MYO10: variants seen among roughly 807,000 people sequenced by gnomAD.
MYO10 encodes the protein myosin X, also known as unconventional myosin-X.
MYO10 carries 133 observed loss-of-function variants against 257.3 expected under a neutral mutation model. The observed-to-expected ratio is 0.52, with a 90% CI of 0.45 to 0.60. The LOEUF (loss-of-function observed/expected upper bound fraction) is 0.60, where lower values mean the gene tolerates loss of function less well. Among genes scored for constraint, MYO10 ranks in the 20% least tolerant of loss-of-function variants. The pLI is 0.00. For synonymous variants in MYO10, 1,104 were observed against 1,028.6 expected, an observed-to-expected ratio of 1.07 and a Z score of -1.40; for missense variants, 2,399 against 2,635.7, an observed-to-expected ratio of 0.91 and a Z score of 1.97.
At chr5:16,884,712 T>C (rs2126768141) in intron 1 of MYO10, among the ~76,000 whole-genome samples, 1 of 124,834 alleles carries the variant, frequency 8.0e-6, no homozygotes, top group Admixed American at 9.1e-5. Flanking sequence ...ACTTACCAGA[T>C]GCTTTTTTTT....
intron 1 of MYO10, among the ~76,000 whole-genome samples, chr5:16,891,315 AGAGAAAAGGAAGG>A (rs1322998928): frequency 2.2e-5 from 3 of 137,818 alleles, no homozygotes; most frequent in Non-Finnish European, 3.1e-5. Context: ...GAAAAGGAGA[AGAGAAAAGGAAGG>A]AAGGAAGGAA....
intron 19 of MYO10, among the ~76,000 whole-genome samples, chr5:16,737,609 C>T (rs1243499683): frequency 2.0e-5 from 3 of 152,196 alleles, no homozygotes; most frequent in Non-Finnish European, 2.9e-5. Flanking sequence ...CATGTAGATG[C>T]CGTTTTTATT....
chr5:16,790,769 T>C (rs1320872672), intron 4 of MYO10, among the ~76,000 whole-genome samples: 1 of 152,094 alleles, frequency 6.6e-6, no homozygotes, highest in African/African-American at 2.4e-5. Flanking sequence ...TAATACACCA[T>C]AATAAACTAA....
chr5:16,846,711 C>T (rs1198004260), intron 2 of MYO10, among the ~76,000 whole-genome samples: 1 of 152,246 alleles, frequency 6.6e-6, no homozygotes, highest in Non-Finnish European at 1.5e-5. Flanking sequence ...TAAGTATTTA[C>T]AACATCGGAC....
Position 16,912,842 on chromosome 5 carries a change from A to G in MYO10, c.21+22946T>C, listed in dbSNP as rs986177388. 8.1e-4 allele frequency among the ~76,000 whole-genome samples: 123 copies of G among 151,200 alleles called. 1 individual carries two copies. The highest frequency in any genetic ancestry group is 3.4e-3 in the Middle Eastern group (1 of 292). ...CACACACACACACACACACACACAC[A>G]CACACACCATGGTACCTCCAAGATT... is the stretch of plus-strand genomic sequence containing the variant. On this transcript the variant is annotated intron_variant, in intron 1 of 40. Transcript: ENST00000513610.
intron 2 of MYO10, among the ~76,000 whole-genome samples, chr5:16,852,479 C>CT (rs921595574): frequency 5.9e-5 from 9 of 151,444 alleles, no homozygotes; most frequent in Non-Finnish European, 1.0e-4. Context: ...ATTAACTGAC[C>CT]TTTTTTTTGC....
At chr5:16,842,046 T>C (rs1461018068) in intron 2 of MYO10, among the ~76,000 whole-genome samples, 1 of 152,022 alleles carries the variant, frequency 6.6e-6, no homozygotes, top group Non-Finnish European at 1.5e-5. Flanking sequence ...TTCCACATAA[T>C]AGGCAGAAAA....
intron 2 of MYO10, among the ~76,000 whole-genome samples, chr5:16,823,523 G>C (rs1742903103): frequency 8.4e-6 from 1 of 119,654 alleles, no homozygotes; most frequent in Non-Finnish European, 1.6e-5. Context: ...CCAGGCTAGA[G>C]TGCAGTGGCA....
At chr5:16,858,196 A>T (rs2126742812) in intron 2 of MYO10, among the ~76,000 whole-genome samples, 1 of 152,328 alleles carries the variant, frequency 6.6e-6, no homozygotes, top group Non-Finnish European at 1.5e-5. Flanking sequence ...TTTGAATTTC[A>T]CATGATTTTC....
intron 11 of MYO10, among the ~76,000 whole-genome samples, chr5:16,764,684 T>G (rs1457285134): frequency 2.6e-5 from 4 of 151,928 alleles, no homozygotes; most frequent in African/African-American, 7.3e-5. Context: ...TGTTACCAGG[T>G]TTTTTTTGTT....
At chr5:16,927,195 G>A (rs933489030) in intron 1 of MYO10, among the ~76,000 whole-genome samples, 1 of 151,998 alleles carries the variant, frequency 6.6e-6, no homozygotes, top group Non-Finnish European at 1.5e-5. Context: ...CATTACAGGT[G>A]TGTTTTATCA....
At chr5:16,792,365 C>T (rs190305652) in intron 4 of MYO10, among the ~76,000 whole-genome samples, 73 of 152,288 alleles carry the variant, frequency 4.8e-4, no homozygotes, top group African/African-American at 1.7e-3. Flanking sequence ...AAAGGGCTGT[C>T]AGGGGTTTCA....
chr5:16,877,630 G>A lies in MYO10; in HGVS notation c.99C>T (p.Val33=), dbSNP rs185323430. Residue 33 remains valine (V), a synonymous_variant, in exon 2 of 41, where the codon GTC becomes GTT. Transcript: ENST00000513610. The part of the protein sequence containing the change: ...TVNSCAEGIV[V]FRTDYGQVFT... ...TCACCTGACCATAGTCTGTCCGGAA[G>A]ACGACGATGCCTTCTGCACAGGAAT... 8.7e-4 allele frequency: 1,409 copies of A among 1,613,676 alleles called. No individual in the cohort carries two copies. Among genetic ancestry groups the A allele is most frequent in the Non-Finnish European group, 1.1e-3 (1,353 of 1,179,660 alleles).
chr5:16,908,168 T>G (rs979138206), intron 1 of MYO10, among the ~76,000 whole-genome samples: 1 of 151,308 alleles, frequency 6.6e-6, no homozygotes, highest in African/African-American at 2.4e-5. Context: ...GAGACAAAGG[T>G]TGCAGTGAGC....
chr5:16,684,217 T>C (rs1737138844), intron 29 of MYO10, among the ~76,000 whole-genome samples: 1 of 152,204 alleles, frequency 6.6e-6, no homozygotes, highest in South Asian at 2.1e-4. Flanking sequence ...ATATTTTAAC[T>C]AAGTTTTCTA....
intron 2 of MYO10, among the ~76,000 whole-genome samples, chr5:16,866,644 A>C (rs1381395345): frequency 2.0e-5 from 3 of 152,124 alleles, no homozygotes; most frequent in African/African-American, 7.2e-5. Context: ...TGAGAGAAAA[A>C]GGGGTAAGAT....
intron 18 of MYO10, among the ~76,000 whole-genome samples, chr5:16,755,720 C>CTTTTTT (rs544255942): frequency 7.6e-6 from 1 of 130,796 alleles, no homozygotes; most frequent in Non-Finnish European, 1.6e-5. Flanking sequence ...TCTTTTCCAA[C>CTTTTTT]TTTTTTTTTT....
chr5:16,781,021 A>C (rs543567125), intron 6 of MYO10, among the ~76,000 whole-genome samples: 274 of 152,320 alleles, frequency 1.8e-3, no homozygotes, highest in African/African-American at 6.3e-3. Flanking sequence ...TCAATGTTTC[A>C]GATTATGGAA....
At chr5:16,820,843 A>G (rs767573999) in intron 2 of MYO10, among the ~76,000 whole-genome samples, 4 of 150,662 alleles carry the variant, frequency 2.7e-5, no homozygotes, top group Admixed American at 6.6e-5. Flanking sequence ...TACTTATTAC[A>G]TATAATGTGT....
Sources: gnomAD v4.1 joint callset for allele counts (sites outside exome capture counted in the v4.1 genomes callset) on GRCh38, gnomAD v4.1.1 for gene constraint, MANE v1.5 for transcripts, NCBI Gene and HGNC (gene_info 2026-07-23, HGNC 2026-07-21) for gene names.